The following RNF220 variants were observed in gnomAD, a reference collection of about 807,000 sequenced individuals.
The protein encoded by RNF220 is ring finger protein 220.
A neutral mutation model predicts 67.1 loss-of-function variants in RNF220; 7 were observed. The ratio of observed to expected loss-of-function variants is 0.10; its 90% CI spans 0.06 to 0.20. The LOEUF (loss-of-function observed/expected upper bound fraction) is 0.20. RNF220 is among the 10% of genes least tolerant of loss of function. The pLI, the probability that RNF220 is intolerant of heterozygous loss-of-function variation, is 1.00. For synonymous variants in RNF220, 270 were observed against 283.2 expected (o/e 0.95, Z 0.47); for missense variants, 565 against 740.3 (o/e 0.76, Z 2.75).
intron 2 of RNF220, among the ~76,000 whole-genome samples, chr1:44,546,265 G>C (rs1662136125): frequency 6.6e-6 from 1 of 152,138 alleles, no homozygotes; most frequent in Non-Finnish European, 1.5e-5. Context: ...CCAGATCCCT[G>C]TCCTCCTCCC....
At position 44,538,708 on chromosome 1, in the gene RNF220, G is replaced by A. The variant is rs1001801000; in HGVS notation, c.626-75457G>A. On this transcript the variant is annotated intron_variant, in intron 2 of 14. Transcript: ENST00000361799. ...ACACAGGTGGATCACCTGAGGTCAG[G>A]AGTTCAAGACCAGCCTGGCCAACAT... Among the ~76,000 whole-genome samples the A allele has an allele frequency of 3.9e-5, 6 of 152,206 alleles. No homozygotes were observed. In the East Asian group the frequency reaches 1.2e-3, roughly 29 times the overall value.
At chr1:44,439,572 G>C (rs1651347261) in intron 2 of RNF220, among the ~76,000 whole-genome samples, 1 of 151,822 alleles carries the variant, frequency 6.6e-6, no homozygotes, top group Non-Finnish European at 1.5e-5. Context: ...TTTATGCCTT[G>C]TGGAGCAGGG....
intron 1 of RNF220, among the ~76,000 whole-genome samples, chr1:44,406,111 C>G (rs2147786144): frequency 6.6e-6 from 1 of 152,296 alleles, no homozygotes; most frequent in Non-Finnish European, 1.5e-5. Context: ...GAAACTACCC[C>G]GACAGCCTCC....
At chr1:44,507,093 A>G (rs1330442884) in intron 2 of RNF220, among the ~76,000 whole-genome samples, 1 of 152,084 alleles carries the variant, frequency 6.6e-6, no homozygotes, top group African/African-American at 2.4e-5. Context: ...GGAGCAGAAA[A>G]CCAGTGTTGC....
At chr1:44,449,464 A>C (rs1270795689) in intron 2 of RNF220, among the ~76,000 whole-genome samples, 1 of 151,452 alleles carries the variant, frequency 6.6e-6, no homozygotes, top group Non-Finnish European at 1.5e-5. Context: ...CCCAGGCTGG[A>C]GTGTGGTGGT....
Position 44,645,500 on chromosome 1 carries a change from G to A in RNF220, c.1445+12G>A. 6.2e-7 allele frequency: 1 copy of A among 1,613,112 alleles called. No homozygotes were observed. ...AGCGACATCGAGAAGTAAGTGTTTGGCCAGGAGAGAGCCCTGGGACCACAG... is the reference window on the plus strand; with the variant it reads ...AGCGACATCGAGAAGTAAGTGTTTGACCAGGAGAGAGCCCTGGGACCACAG... On this transcript the variant is annotated intron_variant, in intron 12 of 14. Coordinates refer to ENST00000361799, the MANE Select transcript of RNF220 (RefSeq NM_018150.4). The surrounding 1 kb of genome is among the most constrained non-coding windows in gnomAD (Gnocchi z 5.0).
Position 44,573,993 on chromosome 1 carries a change from C to T in RNF220, c.626-40172C>T, listed in dbSNP as rs561297705. On this transcript the variant is annotated intron_variant, in intron 2 of 14. Transcript: ENST00000361799. ...ATGAGCTGGGCGTGGTGGTGCACACCTGTAGTCTCAGCTACTCAGGAGGCT... is the reference window on the plus strand; with the variant it reads ...ATGAGCTGGGCGTGGTGGTGCACACTTGTAGTCTCAGCTACTCAGGAGGCT... Among the ~76,000 whole-genome samples, 6 of 152,250 alleles carry T rather than the reference C, an allele frequency of 3.9e-5. No individual in the cohort carries two copies. The South Asian group carries it at 1.2e-3, about 32-fold the overall frequency.
chr1:44,556,689 AG>A (rs1663116294), intron 2 of RNF220, among the ~76,000 whole-genome samples: 1 of 151,770 alleles, frequency 6.6e-6, no homozygotes, highest in African/African-American at 2.4e-5. Context: ...TCTCCCTAGT[AG>A]CTGGGACTAC....
intron 2 of RNF220, among the ~76,000 whole-genome samples, chr1:44,497,415 T>G (rs76455346): frequency 6.6e-6 from 1 of 151,936 alleles, no homozygotes; most frequent in African/African-American, 2.4e-5. Context: ...AGACCAAGGT[T>G]TTCCTGTATA....
intron 2 of RNF220, among the ~76,000 whole-genome samples, chr1:44,534,980 G>A (rs1661089648): frequency 6.6e-6 from 1 of 152,130 alleles, no homozygotes; most frequent in Non-Finnish European, 1.5e-5. Context: ...CTATTGAGTT[G>A]TCCAGACTCG....
Position 44,622,770 on chromosome 1 carries a change from G to C in RNF220, c.787G>C (p.Ala263Pro). The change falls in exon 4 of 15, where the codon GCT (alanine) becomes CCT (proline). Residue 263 changes from alanine (A) to proline (P), a missense_variant. Transcript: ENST00000361799. This position sits in a 1 kb window ranked among gnomAD's most constrained non-coding sequence, Gnocchi z 4.3. The part of the protein sequence containing the change: ...SKNSLLKDAM[A>P]PGTPKSLLLS... ...GAATTCCCTTCTGAAGGATGCCATG[G>C]CTCCAGGCACCCCAAAGGTAGGTGG... 1 of 1,613,880 alleles carries C rather than the reference G, an allele frequency of 6.2e-7. No individual in the cohort carries two copies. The highest frequency in any genetic ancestry group is 1.1e-5 in the South Asian group (1 of 91,000).
At chr1:44,564,683 G>T (rs935836665) in intron 2 of RNF220, among the ~76,000 whole-genome samples, 1 of 150,496 alleles carries the variant, frequency 6.6e-6, no homozygotes, top group African/African-American at 2.5e-5. Flanking sequence ...AACCTGGCAG[G>T]CAGAGGTGCA....
At chr1:44,432,361 C>A (rs868164081) in intron 2 of RNF220, among the ~76,000 whole-genome samples, 13 of 147,718 alleles carry the variant, frequency 8.8e-5, no homozygotes, top group African/African-American at 3.3e-4. Context: ...ACCTCCACCC[C>A]CCAGGTTCAA....
intron 2 of RNF220, among the ~76,000 whole-genome samples, chr1:44,583,744 C>T: frequency 6.6e-6 from 1 of 152,222 alleles, no homozygotes; most frequent in Non-Finnish European, 1.5e-5. Context: ...GTCCTTCCTT[C>T]CCAGCACCAA....
chr1:44,510,617 A>G (rs759739929), intron 2 of RNF220, among the ~76,000 whole-genome samples: 43 of 152,048 alleles, frequency 2.8e-4, no homozygotes, highest in African/African-American at 7.0e-4. Context: ...TTCTGTCCCA[A>G]TGTACATTTT....
At chr1:44,470,348 A>T (rs1221094133) in intron 2 of RNF220, among the ~76,000 whole-genome samples, 1 of 152,224 alleles carries the variant, frequency 6.6e-6, no homozygotes, top group East Asian at 1.9e-4. Flanking sequence ...TTCAGTTTAG[A>T]ACATGCCAGC....
At chr1:44,558,643 A>T (rs1414950139) in intron 2 of RNF220, among the ~76,000 whole-genome samples, 1 of 152,220 alleles carries the variant, frequency 6.6e-6, no homozygotes, top group Non-Finnish European at 1.5e-5. Flanking sequence ...TGATAAATGA[A>T]GCAGAGAGGT....
chr1:44,593,530 G>T lies in RNF220; in HGVS notation c.626-20635G>T, dbSNP rs141836777. On this transcript the variant is annotated intron_variant, in intron 2 of 14. Transcript: ENST00000361799. ...GCTTGAGCCCAAGAGTTGAAGACCA[G>T]CCTGGGCAACATAGTGAGAGCCTGT... Among the ~76,000 whole-genome samples, 142 of 152,082 alleles carry T rather than the reference G, an allele frequency of 9.3e-4. 2 individuals are homozygous for T. Among genetic ancestry groups the T allele is most frequent in the African/African-American group, 3.1e-3 (129 of 41,466 alleles).
At chr1:44,549,318 TCTC>T (rs1662429565) in intron 2 of RNF220, among the ~76,000 whole-genome samples, 1 of 152,180 alleles carries the variant, frequency 6.6e-6, no homozygotes, top group Non-Finnish European at 1.5e-5. Flanking sequence ...TATAGGAGGC[TCTC>T]TGAACAATTG....
Sources: allele counts gnomAD v4.1 joint callset (sites outside exome capture counted in the v4.1 genomes callset), GRCh38; gene constraint gnomAD v4.1.1; non-coding constraint Gnocchi (gnomAD v3.1); transcripts MANE v1.5; gene names NCBI Gene and HGNC (gene_info 2026-07-23, HGNC 2026-07-21).